LRP1B: variants seen among roughly 807,000 people sequenced by gnomAD.
LRP1B encodes the protein low-density lipoprotein receptor-related protein 1B.
In LRP1B, 217 loss-of-function variants were observed where a neutral mutation model predicts 556.6. That is an observed-to-expected ratio of 0.39 (90% CI 0.35 to 0.44). The LOEUF (loss-of-function observed/expected upper bound fraction) is 0.44. LRP1B is among the 20% of genes least tolerant of loss of function. The pLI, the probability that LRP1B is intolerant of heterozygous loss-of-function variation, is 1.00. For synonymous variants in LRP1B, 2,047 were observed against 1,865.8 expected, an observed-to-expected ratio of 1.10 and a Z score of -2.50; for missense variants, 5,053 against 5,620.8, an observed-to-expected ratio of 0.90 and a Z score of 3.23.
chr2:141,561,994 G>T (rs1001832925), intron 2 of LRP1B, among the ~76,000 whole-genome samples: 2 of 151,788 alleles, frequency 1.3e-5, no homozygotes, highest in East Asian at 1.9e-4. Context: ...TGTCAACTTT[G>T]CAACAAGGGT....
chr2:141,096,269 T>C (rs1700297379), intron 7 of LRP1B, among the ~76,000 whole-genome samples: 1 of 152,104 alleles, frequency 6.6e-6, no homozygotes, highest in African/African-American at 2.4e-5. Context: ...CTTCTTCTTT[T>C]TCCCTTTCAA....
At chr2:140,441,997 G>A (rs1686448352) in intron 66 of LRP1B, among the ~76,000 whole-genome samples, 1 of 152,088 alleles carries the variant, frequency 6.6e-6, no homozygotes, top group Non-Finnish European at 1.5e-5. Context: ...AAATATTAAT[G>A]TTTCAAAAGC....
chr2:141,687,865 A>G (rs1372775092), intron 2 of LRP1B, among the ~76,000 whole-genome samples: 2 of 151,766 alleles, frequency 1.3e-5, no homozygotes, highest in Non-Finnish European at 2.9e-5. Context: ...GAATTAAAGC[A>G]TAGTTAGTAA....
intron 3 of LRP1B, among the ~76,000 whole-genome samples, chr2:141,455,488 A>T (rs908323458): frequency 1.4e-4 from 21 of 149,600 alleles, no homozygotes; most frequent in Admixed American, 1.1e-3. Context: ...GAAGATTTTA[A>T]TTCATAATGA....
At chr2:140,499,964 T>C (rs1046265736) in intron 55 of LRP1B, among the ~76,000 whole-genome samples, 2 of 151,912 alleles carry the variant, frequency 1.3e-5, no homozygotes, top group African/African-American at 4.8e-5. Context: ...TCAGGAAAGA[T>C]TTCTATGTTA....
chr2:140,273,389 CAT>C (rs1208869146), intron 85 of LRP1B, among the ~76,000 whole-genome samples: 3 of 151,004 alleles, frequency 2.0e-5, no homozygotes, highest in Admixed American at 6.6e-5. Context: ...ATATATCAGT[CAT>C]ATTTTCAATT....
At chr2:142,029,311 A>G (rs1469729348) in intron 1 of LRP1B, among the ~76,000 whole-genome samples, 2 of 151,940 alleles carry the variant, frequency 1.3e-5, no homozygotes, top group South Asian at 2.1e-4. Flanking sequence ...TTAAAAAATA[A>G]TGACAATACT....
chr2:141,184,644 A>G (rs571470334), intron 7 of LRP1B, among the ~76,000 whole-genome samples: 64 of 148,704 alleles, frequency 4.3e-4, no homozygotes, highest in Non-Finnish European at 5.7e-4. Flanking sequence ...TCAGATGTTC[A>G]TTTCTAATAG....
At chr2:142,007,351 A>G (rs368052069) in intron 1 of LRP1B, among the ~76,000 whole-genome samples, 2 of 152,186 alleles carry the variant, frequency 1.3e-5, no homozygotes, top group South Asian at 4.1e-4. Context: ...GCCTTTAGCT[A>G]AAATTTAGTG....
chr2:141,757,815 G>A (rs1375119548), intron 2 of LRP1B, among the ~76,000 whole-genome samples: 1 of 152,130 alleles, frequency 6.6e-6, no homozygotes, highest in Admixed American at 6.6e-5. Flanking sequence ...GGGATCACTG[G>A]TGTGAGCCAC....
intron 3 of LRP1B, among the ~76,000 whole-genome samples, chr2:141,313,194 G>T (rs1306284156): frequency 6.6e-6 from 1 of 151,876 alleles, no homozygotes; most frequent in African/African-American, 2.4e-5. Context: ...AACCAAGATA[G>T]AAGCACTTCT....
chr2:141,879,740 A>G (rs562744509), intron 1 of LRP1B, among the ~76,000 whole-genome samples: 12 of 152,116 alleles, frequency 7.9e-5, no homozygotes, highest in Non-Finnish European at 1.5e-4. Flanking sequence ...CAGACAAACA[A>G]AAAACTTGTC....
intron 41 of LRP1B, among the ~76,000 whole-genome samples, chr2:140,617,046 G>A (rs1683281768): frequency 6.6e-6 from 1 of 151,896 alleles, no homozygotes; most frequent in Non-Finnish European, 1.5e-5. Context: ...TTAATGATGT[G>A]GGGACTCGGG....
At chr2:140,861,321 C>A (rs911057995) in intron 27 of LRP1B, among the ~76,000 whole-genome samples, 6 of 152,122 alleles carry the variant, frequency 3.9e-5, no homozygotes, top group East Asian at 3.9e-4. Context: ...GCTGGAGAAT[C>A]GCTTGAACCT....
intron 4 of LRP1B, 141 bp from the exon 5 acceptor site, chr2:141,247,495 C>T: frequency 1.2e-6 from 1 of 854,022 alleles, no homozygotes; most frequent in Non-Finnish European, 1.8e-6. Context: ...CAAAACCACA[C>T]TAACTAAAAA....
At chr2:141,812,010 G>T (rs1345746576) in intron 1 of LRP1B, among the ~76,000 whole-genome samples, 1 of 152,058 alleles carries the variant, frequency 6.6e-6, no homozygotes, top group African/African-American at 2.4e-5. Context: ...TAGAGTAAAT[G>T]GTTGCTAAGG....
chr2:141,346,351 G>A (rs1039093014), intron 3 of LRP1B, among the ~76,000 whole-genome samples: 1 of 152,038 alleles, frequency 6.6e-6, no homozygotes, highest in Non-Finnish European at 1.5e-5. Flanking sequence ...CTTTACAAGG[G>A]GGTGATCTGA....
intron 1 of LRP1B, among the ~76,000 whole-genome samples, chr2:142,122,648 C>T (rs1219357482): frequency 1.3e-5 from 2 of 151,980 alleles, no homozygotes; most frequent in Non-Finnish European, 2.9e-5. Context: ...AGTTATTATG[C>T]TTAATGAAAA....
chr2:140,811,043 T>A (rs1232797755), intron 32 of LRP1B, among the ~76,000 whole-genome samples: 1 of 152,148 alleles, frequency 6.6e-6, no homozygotes, highest in African/African-American at 2.4e-5. Context: ...CCAAGAGGTT[T>A]TTTTTTGTTT....
Sources: gnomAD v4.1 joint callset for allele counts (sites outside exome capture counted in the v4.1 genomes callset) on GRCh38, gnomAD v4.1.1 for gene constraint, MANE v1.5 for transcripts, NCBI Gene and HGNC (gene_info 2026-07-23, HGNC 2026-07-21) for gene names.